The following ACTN1 variants were observed in gnomAD, a reference collection of about 807,000 sequenced individuals.
ACTN1 encodes actinin alpha 1, also known as alpha-actinin-1.
ACTN1 carries 30 observed loss-of-function variants against 119.6 expected under a neutral mutation model. That is an observed-to-expected ratio of 0.25 (90% CI 0.19 to 0.34). ACTN1 has a LOEUF of 0.34. Ranked by LOEUF, ACTN1 falls within the 10% of genes least tolerant of loss-of-function variation. The probability of loss-of-function intolerance (pLI) is 1.00; values close to 1 mark genes in which losing one functional copy is unlikely to be tolerated. For missense variants in ACTN1, 764 were observed against 1,223.4 expected (o/e 0.62, Z 5.60); for synonymous variants, 429 against 472.6 (o/e 0.91, Z 1.20).
At chr14:68,933,264 T>G (rs10220357) in intron 1 of ACTN1, among the ~76,000 whole-genome samples, 15,440 of 151,984 alleles carry the variant, frequency 0.1, 944 homozygotes, top group African/African-American at 0.16. Context: ...CTCCTGAGTA[T>G]CTGGGATTAC....
In ACTN1 at chr14:68,890,279, T is replaced by C. The variant is rs751585726; in HGVS notation, c.1094A>G (p.Asn365Ser). Residue 365 changes from asparagine to serine, a missense_variant, in exon 11 of 22, where the codon AAC becomes AGC. Physicochemically the swap from Asn to Ser is conservative, Grantham distance 46. Around this residue, in one of 4 missense-constraint regions of ACTN1, gnomAD observed 544 missense variants for 912.0 expected, o/e 0.60. Coordinates refer to ENST00000394419, the MANE Select transcript of ACTN1 (RefSeq NM_001130004.2). ...CTGCTCCAGGCAGCCCCAGGCATTG[T>C]TGATGTCCTGTGGGGATGGGAGGTA... ...PSEGRMVSDI[N>S]NAWGCLEQVE... The C allele has an allele frequency of 7.4e-6, 12 of 1,614,048 alleles. No individual in the cohort carries two copies. The South Asian group carries it at 7.7e-5, about 10-fold the overall frequency.
intron 7 of ACTN1, among the ~76,000 whole-genome samples, chr14:68,904,176 A>G (rs2033521506): frequency 6.6e-6 from 1 of 152,006 alleles, no homozygotes; most frequent in Admixed American, 6.6e-5. Flanking sequence ...GCTAGAAGGA[A>G]GCCAGGGTTA....
Position 68,920,418 on chromosome 14 carries a change from T to C in ACTN1, c.340+588A>G, listed in dbSNP as rs536841755. 4.6e-5 allele frequency among the ~76,000 whole-genome samples: 7 copies of C among 152,322 alleles called. No individual in the cohort carries two copies. The South Asian group carries it at 1.2e-3, about 27-fold the overall frequency. The stretch of plus-strand genomic sequence containing the variant: ...CCCACTCTAAACAACCCACTCTCAA[T>C]TTTTCAGAGCCACCACCATGCACAC... On this transcript the variant is annotated intron_variant, in intron 3 of 21. Coordinates refer to ENST00000394419, the MANE Select transcript of ACTN1 (RefSeq NM_001130004.2).
At chr14:68,899,534 C>T (rs374340012) in intron 8 of ACTN1, among the ~76,000 whole-genome samples, 4 of 151,820 alleles carry the variant, frequency 2.6e-5, no homozygotes, top group South Asian at 4.1e-4. Flanking sequence ...ACACACCTCA[C>T]ACACACCCCA....
intron 14 of ACTN1, 75 bp from the exon 15 acceptor site, chr14:68,883,130 T>G (rs2140095820): frequency 1.6e-3 from 2,294 of 1,465,728 alleles, no homozygotes; most frequent in Non-Finnish European, 2.0e-3. Flanking sequence ...CCATGGAGGT[T>G]GAGTTCCACA....
Position 68,979,295 on chromosome 14 carries a change from C to G in ACTN1, c.-239G>C. Reference sequence around the variant, plus strand: ...GGCGGGCGCTTGGACCTAATCTCCACGCACACTGAACTAGGCGGACACACT... The same window carrying G: ...GGCGGGCGCTTGGACCTAATCTCCAGGCACACTGAACTAGGCGGACACACT... On this transcript the variant is annotated 5_prime_UTR_variant, in exon 1 of 22. Coordinates refer to ENST00000394419, the MANE Select transcript of ACTN1 (RefSeq NM_001130004.2). The G allele has an allele frequency of 6.3e-6, 2 of 317,794 alleles. No individual in the cohort carries two copies. Among genetic ancestry groups the G allele is most frequent in the Non-Finnish European group, 1.1e-5 (2 of 174,982 alleles). 19.7% of individuals were successfully genotyped at this position (317,794 alleles called of 1,614,324 possible). A position where few individuals can be genotyped will look rare whatever the true frequency, so the allele number is the denominator to read the frequency against.
At chr14:68,969,529 G>T (rs1358601349) in intron 1 of ACTN1, among the ~76,000 whole-genome samples, 2 of 152,198 alleles carry the variant, frequency 1.3e-5, no homozygotes, top group African/African-American at 4.8e-5. Flanking sequence ...GTTTAAAAGG[G>T]AGCCACTCCT....
At chr14:68,900,492 G>GGA (rs138645453) in intron 8 of ACTN1, among the ~76,000 whole-genome samples, 4 of 151,252 alleles carry the variant, frequency 2.6e-5, no homozygotes, top group Non-Finnish European at 4.4e-5. Context: ...CAGGAAGGAG[G>GGA]GAGAGAGAGA....
intron 11 of ACTN1, among the ~76,000 whole-genome samples, chr14:68,889,825 C>T (rs184088893): frequency 9.9e-5 from 15 of 152,260 alleles, no homozygotes; most frequent in South Asian, 2.1e-4. Flanking sequence ...AGTGAACACT[C>T]GGGGTAGAGG....
At chr14:68,914,773 AAAAACAAAAC>A (rs1004357736) in intron 3 of ACTN1, among the ~76,000 whole-genome samples, 3 of 152,134 alleles carry the variant, frequency 2.0e-5, no homozygotes. Flanking sequence ...CCTGTCTCTT[AAAAACAAAAC>A]AAAACAAAAC....
intron 1 of ACTN1, among the ~76,000 whole-genome samples, chr14:68,928,116 C>G (rs2035022437): frequency 6.6e-6 from 1 of 152,322 alleles, no homozygotes; most frequent in African/African-American, 2.4e-5. Context: ...CTGAGCCCAC[C>G]CGCCCAGCTG....
In ACTN1 at chr14:68,890,299, G is replaced by A. The variant is rs767610513; in HGVS notation, c.1087-13C>T. On this transcript the variant is annotated splice_polypyrimidine_tract_variant and intron_variant, in intron 10 of 21. Transcript: ENST00000394419. The stretch of plus-strand genomic sequence containing the variant: ...CATTGTTGATGTCCTGTGGGGATGG[G>A]AGGTACAGGGTCAGGGTCTGGCTTG... 6.8e-6 allele frequency: 11 copies of A among 1,613,906 alleles called. No homozygotes were observed. Among genetic ancestry groups the A allele is most frequent in the Middle Eastern group, 1.6e-4 (1 of 6,082 alleles).
At chr14:68,921,193 C>T (rs1317988658) in intron 2 of ACTN1, 68 bp from the exon 3 acceptor site, 4 of 1,582,168 alleles carry the variant, frequency 2.5e-6, no homozygotes, top group Non-Finnish European at 2.6e-6. Context: ...GCTACTACCA[C>T]TACACCCTCA....
chr14:68,921,257 G>A, intron 2 of ACTN1, 132 bp from the exon 3 acceptor site: 2 of 1,126,930 alleles, frequency 1.8e-6, no homozygotes, highest in Non-Finnish European at 2.4e-6. Context: ...ACGTGTGTGT[G>A]TGCTCACACG....
chr14:68,883,766 A>G (rs1290963566), intron 14 of ACTN1, among the ~76,000 whole-genome samples: 4 of 152,186 alleles, frequency 2.6e-5, no homozygotes, highest in African/African-American at 9.7e-5. Flanking sequence ...TGACAGAGTG[A>G]GACCTTGTCT....
At chr14:68,977,162 A>G (rs1217655979) in intron 1 of ACTN1, among the ~76,000 whole-genome samples, 1 of 152,158 alleles carries the variant, frequency 6.6e-6, no homozygotes, top group Non-Finnish European at 1.5e-5. Context: ...ACCCCCAGGG[A>G]AGACCCCAAT....
chr14:68,922,201 G>A (rs990484062), intron 2 of ACTN1, among the ~76,000 whole-genome samples: 2 of 152,150 alleles, frequency 1.3e-5, no homozygotes, highest in African/African-American at 4.8e-5. Context: ...CCAGCAGGTC[G>A]ACAATCTGGC....
intron 11 of ACTN1, 28 bp downstream of exon 11, chr14:68,890,111 G>T: frequency 6.2e-7 from 1 of 1,601,460 alleles, no homozygotes; most frequent in South Asian, 1.1e-5. Context: ...AAGCCCTGGG[G>T]GGAGGCAGGA....
intron 4 of ACTN1, among the ~76,000 whole-genome samples, chr14:68,911,360 C>G (rs2033993945): frequency 1.3e-5 from 2 of 152,156 alleles, no homozygotes; most frequent in African/African-American, 4.8e-5. Context: ...GAACCACACC[C>G]CAGGTGACTA....
Sources: allele counts gnomAD v4.1 joint callset (sites outside exome capture counted in the v4.1 genomes callset), GRCh38; gene constraint gnomAD v4.1.1; regional missense constraint gnomAD v4.1.1; transcripts MANE v1.5; gene names NCBI Gene and HGNC (gene_info 2026-07-23, HGNC 2026-07-21).